The following KIF14 variants were observed in gnomAD, a reference collection of about 807,000 sequenced individuals.
KIF14 encodes kinesin family member 14.
In KIF14, 98 loss-of-function variants were observed where a neutral mutation model predicts 176.2. The observed-to-expected ratio is 0.56, with a 90% confidence interval of 0.47 to 0.66. KIF14 has a LOEUF of 0.66. KIF14 is among the 30% of genes least tolerant of loss of function. The pLI, the probability that KIF14 is intolerant of heterozygous loss-of-function variation, is 0.00. For missense variants in KIF14, 1,751 were observed against 1,920.4 expected (o/e 0.91, Z 1.65); for synonymous variants, 566 against 632.2 (o/e 0.90, Z 1.57).
At position 200,614,383 on chromosome 1, in the gene KIF14, G is replaced by T. The variant is rs373701140; in HGVS notation, c.1390C>A (p.Pro464Thr). ...TCACAAAATCTTGGAATTATTCCTG[G>T]TTCTTCACTAAATCCCATCATCCTG... ...SYTMMGFSEE[P>T]GIIPRFCEDL... The change falls in exon 4 of 30, where the codon CCA (proline) becomes ACA (threonine). Residue 464 changes from proline to threonine, a missense_variant. Physicochemically the swap from Pro to Thr is conservative, Grantham distance 38. Transcript: ENST00000367350. 2 of 1,602,774 alleles carry T rather than the reference G, an allele frequency of 1.2e-6. No individual in the cohort carries two copies. The highest frequency in any genetic ancestry group is 1.7e-6 in the Non-Finnish European group (2 of 1,171,060).
intron 14 of KIF14, among the ~76,000 whole-genome samples, chr1:200,596,815 C>T (rs541470166): frequency 6.6e-6 from 1 of 151,476 alleles, no homozygotes; most frequent in East Asian, 1.9e-4. Context: ...TCTGCCGCCT[C>T]AGCCTCCCAA....
At chr1:200,585,376 AG>A (rs1040757956) in intron 19 of KIF14, among the ~76,000 whole-genome samples, 2 of 152,190 alleles carry the variant, frequency 1.3e-5, no homozygotes, top group Admixed American at 1.3e-4. Context: ...ATTACATCTC[AG>A]TAAAGCTAGA....
Position 200,589,473 on chromosome 1 carries a change from A to G in KIF14, c.2962-104T>C, listed in dbSNP as rs1658929912. On this transcript the variant is annotated intron_variant, in intron 17 of 29. Transcript: ENST00000367350. ...GTACAAGAAATTACTCACTAATAGA[A>G]AAGTTGCCCTATTAAAGCTTCTCCA... 3 of 935,228 alleles carry G rather than the reference A, an allele frequency of 3.2e-6. No individual in the cohort carries two copies. In the Admixed American group the frequency reaches 9.0e-5, roughly 28 times the overall value. The allele number at this position is 935,228 out of a possible 1,614,324, so 57.9% of individuals were successfully genotyped here.
chr1:200,552,170 T>C lies in KIF14; in HGVS notation c.*1218A>G, dbSNP rs1311083888. ...AATGAATTCTTCTTTTTTTTTCTTC[T>C]TTTTTTTTAAATGAATTATTCTTTA... On this transcript the variant is annotated 3_prime_UTR_variant, in exon 30 of 30. Coordinates refer to ENST00000367350, the MANE Select transcript of KIF14 (RefSeq NM_014875.3). 3 of 151,182 alleles carry C rather than the reference T, an allele frequency of 2.0e-5. No individual in the cohort carries two copies. Among genetic ancestry groups the C allele is most frequent in the Admixed American group, 6.6e-5 (1 of 15,148 alleles). 9.4% of individuals were successfully genotyped at this position (151,182 alleles called of 1,614,324 possible).
chr1:200,595,919 G>A, intron 14 of KIF14, among the ~76,000 whole-genome samples: 1 of 126,674 alleles, frequency 7.9e-6, no homozygotes, highest in East Asian at 2.5e-4. Flanking sequence ...GTGATAGAGT[G>A]AGACTCCATC....
chr1:200,594,585 G>A (rs752653741), intron 14 of KIF14, among the ~76,000 whole-genome samples: 79 of 152,078 alleles, frequency 5.2e-4, no homozygotes, highest in Non-Finnish European at 9.6e-4. Flanking sequence ...TACCCCTTAA[G>A]ACATCTAATT....
intron 13 of KIF14, 145 bp from the exon 14 acceptor site, chr1:200,598,566 T>C (rs1659478439): frequency 1.8e-6 from 1 of 549,944 alleles, no homozygotes. Context: ...TTTTTTTATT[T>C]TTATTTTTTT....
chr1:200,572,853 T>C (rs1422523630), intron 22 of KIF14, among the ~76,000 whole-genome samples: 1 of 152,216 alleles, frequency 6.6e-6, no homozygotes, highest in African/African-American at 2.4e-5. Flanking sequence ...TCTCAAGCTC[T>C]ATCTACCCAA....
chr1:200,618,575 T>A lies in KIF14; in HGVS notation c.149A>T (p.Asp50Val). The A allele has an allele frequency of 6.2e-7, 1 of 1,614,202 alleles. No individual in the cohort carries two copies. The highest frequency in any genetic ancestry group is 1.1e-5 in the South Asian group (1 of 91,090). ...LKSDMSECEN[D>V]DPLLRSAGKV... ...ACCTGCAGATCTCAATAATGGATCA[T>A]CATTTTCACATTCTGACATATCCGA... The change falls in exon 2 of 30, where the codon GAT becomes GTT. Residue 50 changes from aspartate to valine, a missense_variant. Physicochemically the swap from Asp to Val is radical, Grantham distance 152. Transcript: ENST00000367350.
At position 200,603,846 on chromosome 1, in the gene KIF14, C is replaced by A. The variant is rs754537198; in HGVS notation, c.1856G>T (p.Arg619Leu). ...AAAAAGCATTCCATTTACCTTTAGT[C>A]GATCTCCATTAGTGTGAGCCGTAGA... The part of the protein sequence containing the change: ...RCSTAHTNGD[R>L]LKEGVSINKS... Residue 619 changes from arginine to leucine, a missense_variant, in exon 9 of 30, where the codon CGA becomes CTA. Transcript: ENST00000367350. The A allele has an allele frequency of 3.2e-6, 5 of 1,583,040 alleles. No homozygotes were observed. The South Asian group carries it at 4.4e-5, about 14-fold the overall frequency.
At chr1:200,560,191 T>C (rs1050378433) in intron 26 of KIF14, among the ~76,000 whole-genome samples, 1 of 152,242 alleles carries the variant, frequency 6.6e-6, no homozygotes, top group Non-Finnish European at 1.5e-5. Context: ...GGTGGATGAC[T>C]AGCATCAAAT....
chr1:200,592,352 A>C (rs975985917), intron 15 of KIF14, 112 bp from the exon 16 acceptor site: 3 of 782,630 alleles, frequency 3.8e-6, no homozygotes, highest in Admixed American at 5.8e-5. Flanking sequence ...TGATAAACAT[A>C]AACATCATAG....
chr1:200,551,608 C>T lies in KIF14; in HGVS notation c.*1780G>A, dbSNP rs1656537502. On this transcript the variant is annotated 3_prime_UTR_variant, in exon 30 of 30. Coordinates refer to ENST00000367350, the MANE Select transcript of KIF14 (RefSeq NM_014875.3). ...TTCACCATTCATTCAAATACAGTAT[C>T]ACAATGTGTTTAGTATAAATATGTA... is the stretch of plus-strand genomic sequence containing the variant. 6.6e-6 allele frequency: 1 copy of T among 152,158 alleles called. No individual in the cohort carries two copies. Among genetic ancestry groups the T allele is most frequent in the African/African-American group, 2.4e-5 (1 of 41,442 alleles). The allele number at this position is 152,158 out of a possible 1,614,324, so 9.4% of individuals were successfully genotyped here. A position where few individuals can be genotyped will look rare whatever the true frequency, so the allele number is the denominator to read the frequency against.
rs1337343199 is a variant in KIF14, at chr1:200,618,567, A to T, written c.157T>A (p.Leu53Ile). 6.2e-7 allele frequency: 1 copy of T among 1,614,060 alleles called. No homozygotes were observed. The highest frequency in any genetic ancestry group is 2.2e-5 in the East Asian group (1 of 44,890). The change falls in exon 2 of 30, where the codon TTA becomes ATA. Residue 53 changes from leucine (L) to isoleucine (I), a missense_variant. Physicochemically the swap from Leu to Ile is conservative, Grantham distance 5. Coordinates refer to ENST00000367350, the MANE Select transcript of KIF14 (RefSeq NM_014875.3). The part of the protein sequence containing the change: ...DMSECENDDP[L>I]LRSAGKVRDI... ...CTGACTTTACCTGCAGATCTCAATA[A>T]TGGATCATCATTTTCACATTCTGAC...
chr1:200,609,294 G>T (rs1660038333), intron 4 of KIF14, among the ~76,000 whole-genome samples: 1 of 152,206 alleles, frequency 6.6e-6, no homozygotes, highest in African/African-American at 2.4e-5. Context: ...TCCATTGCTA[G>T]TGGATGTAAA....
chr1:200,578,987 C>T lies in KIF14; in HGVS notation c.3465+1267G>A, dbSNP rs75463915. 7.9e-5 allele frequency among the ~76,000 whole-genome samples: 12 copies of T among 151,996 alleles called. No individual in the cohort carries two copies. The South Asian group carries it at 2.3e-3, about 29-fold the overall frequency. ...GCACCTGTAGTCCCAGCTACTCAGGCGGCTGAGGCAGGAGAATGGCGTGAA... is the reference window on the plus strand; with the variant it reads ...GCACCTGTAGTCCCAGCTACTCAGGTGGCTGAGGCAGGAGAATGGCGTGAA... On this transcript the variant is annotated intron_variant, in intron 21 of 29. Transcript: ENST00000367350.
At position 200,618,056 on chromosome 1, in the gene KIF14, G is replaced by A; in HGVS notation, c.668C>T (p.Ser223Phe). Residue 223 changes from serine to phenylalanine, a missense_variant, in exon 2 of 30, where the codon TCC (serine) becomes TTC (phenylalanine). Physicochemically the swap from Ser to Phe is radical, Grantham distance 155. Coordinates refer to ENST00000367350, the MANE Select transcript of KIF14 (RefSeq NM_014875.3). ...KYSSNRPPIA[S>F]LSQTEVVRSG... ...TCTAACAACTTCAGTCTGACTCAGGGAAGCAATGGGTGGTCTATTACTTGA... is the reference window on the plus strand; with the variant it reads ...TCTAACAACTTCAGTCTGACTCAGGAAAGCAATGGGTGGTCTATTACTTGA... 2 of 1,614,112 alleles carry A rather than the reference G, an allele frequency of 1.2e-6. No individual in the cohort carries two copies. Among genetic ancestry groups the A allele is most frequent in the Non-Finnish European group, 8.5e-7 (1 of 1,179,998 alleles).
chr1:200,598,346 C>G lies in KIF14; in HGVS notation c.2440G>C (p.Glu814Gln). 1 of 1,613,024 alleles carries G rather than the reference C, an allele frequency of 6.2e-7. No individual in the cohort carries two copies. Among genetic ancestry groups the G allele is most frequent in the Non-Finnish European group, 8.5e-7 (1 of 1,179,478 alleles). ...VNLNEDPQLS[E>Q]MLLYMIKEGT... ...TCTTTTATCATATATAGCAGCATCT[C>G]AGATAGTTGTGGATCTTCATTCAGA... The change falls in exon 14 of 30, where the codon GAG becomes CAG. Residue 814 changes from glutamate to glutamine, a missense_variant. Physicochemically the swap from Glu to Gln is conservative, Grantham distance 29. Coordinates refer to ENST00000367350, the MANE Select transcript of KIF14 (RefSeq NM_014875.3).
At position 200,553,476 on chromosome 1, in the gene KIF14, C is replaced by T. The variant is rs775738311; in HGVS notation, c.4859G>A (p.Gly1620Asp). 28 of 1,613,978 alleles carry T rather than the reference C, an allele frequency of 1.7e-5. No individual in the cohort carries two copies. In the South Asian group the frequency reaches 3.1e-4, roughly 18 times the overall value. The change falls in exon 30 of 30, where the codon GGT becomes GAT. Residue 1620 changes from glycine (G) to aspartate (D), a missense_variant. By Grantham distance (94) the Gly-to-Asp change is moderately conservative (BLOSUM62 -1). Transcript: ENST00000367350. ...SSGIDGSKNK[G>D]VPKRVYELHG... The stretch of plus-strand genomic sequence containing the variant: ...GAGCTCATAGACACGCTTTGGTACA[C>T]CTTTATTCTTACTGCCGTCAATCCC...
Sources: gnomAD v4.1 joint callset for allele counts (sites outside exome capture counted in the v4.1 genomes callset) on GRCh38, gnomAD v4.1.1 for gene constraint, MANE v1.5 for transcripts, NCBI Gene and HGNC (gene_info 2026-07-23, HGNC 2026-07-21) for gene names.